Variants in UNC13C observed in about 807,000 individuals in gnomAD.
UNC13C encodes unc-13 homolog C.
In UNC13C, 174 loss-of-function variants were observed where a neutral mutation model predicts 245.4. The ratio of observed to expected loss-of-function variants is 0.71; its 90% CI spans 0.63 to 0.80. UNC13C has a LOEUF of 0.80. Among genes scored for constraint, UNC13C ranks in the 30% least tolerant of loss-of-function variants. The probability of loss-of-function intolerance (pLI) is 0.00; values close to 1 mark genes in which losing one functional copy is unlikely to be tolerated. For missense variants in UNC13C, 2,829 were observed against 2,602.9 expected, an observed-to-expected ratio of 1.09 and a Z score of -1.89; for synonymous variants, 992 against 895.1, an observed-to-expected ratio of 1.11 and a Z score of -1.93.
At chr15:54,415,504 A>G (rs1042428128) in intron 19 of UNC13C, among the ~76,000 whole-genome samples, 1 of 152,178 alleles carries the variant, frequency 6.6e-6, no homozygotes, top group Non-Finnish European at 1.5e-5. Flanking sequence ...CCGAAACTCC[A>G]CTCTGAATAA....
chr15:54,614,638 G>C (rs1053083712), intron 30 of UNC13C, among the ~76,000 whole-genome samples: 2 of 151,802 alleles, frequency 1.3e-5, no homozygotes, highest in Non-Finnish European at 2.9e-5. Context: ...AAAATTCTAG[G>C]ATCATATACT....
At chr15:54,408,179 G>T (rs1287362388) in intron 18 of UNC13C, among the ~76,000 whole-genome samples, 1 of 106,800 alleles carries the variant, frequency 9.4e-6, no homozygotes, top group East Asian at 3.0e-4. Flanking sequence ...CAGCCTGGGT[G>T]ACAGAGTGAG....
chr15:54,015,916 C>T, intron 2 of UNC13C, 30 bp downstream of exon 2: 1 of 1,494,456 alleles, frequency 6.7e-7, no homozygotes, highest in Non-Finnish European at 8.9e-7. Flanking sequence ...ACATTGTGAG[C>T]TAATTGTGTT....
At chr15:54,030,607 T>G (rs1330625235) in intron 2 of UNC13C, among the ~76,000 whole-genome samples, 3 of 152,216 alleles carry the variant, frequency 2.0e-5, no homozygotes, top group African/African-American at 7.2e-5. Context: ...ACCCCCATCT[T>G]TGTTTGTATT....
chr15:54,088,724 T>C (rs933071838), intron 2 of UNC13C, among the ~76,000 whole-genome samples: 8 of 152,184 alleles, frequency 5.3e-5, no homozygotes, highest in Admixed American at 4.6e-4. Context: ...GTTTCATTTC[T>C]AAGTCTATAG....
the UNC13C span, among the ~76,000 whole-genome samples, chr15:53,935,856 G>A: frequency 6.6e-6 from 1 of 152,246 alleles, no homozygotes; most frequent in East Asian, 1.9e-4. Flanking sequence ...GGGGTTTTGG[G>A]TCCAAAGCAC....
chr15:54,247,096 C>A (rs1275619742), intron 7 of UNC13C, among the ~76,000 whole-genome samples: 2 of 152,152 alleles, frequency 1.3e-5, no homozygotes, highest in African/African-American at 4.8e-5. Flanking sequence ...TTCCATCCTT[C>A]TCCTTCAGCT....
At position 54,219,087 on chromosome 15, in the gene UNC13C, T is replaced by G. The variant is rs370975073; in HGVS notation, c.3072-15943T>G. On this transcript the variant is annotated intron_variant, in intron 4 of 32. Transcript: ENST00000260323. ...TACCAATGACTTTCTTCACAGAATT[T>G]GAAAAAACTACTTTAAAGTTCATAT... Among the ~76,000 whole-genome samples, 721 of 149,296 alleles carry G rather than the reference T, an allele frequency of 4.8e-3. 3 individuals are homozygous for G. Among genetic ancestry groups the G allele is most frequent in the African/African-American group, 0.017 (676 of 39,710 alleles).
intron 19 of UNC13C, among the ~76,000 whole-genome samples, chr15:54,434,489 T>C (rs2040939366): frequency 6.6e-6 from 1 of 151,922 alleles, no homozygotes; most frequent in African/African-American, 2.4e-5. Context: ...GGGGAAAGTG[T>C]TCCCTATTTA....
At chr15:54,169,149 T>A (rs2033291304) in intron 4 of UNC13C, among the ~76,000 whole-genome samples, 1 of 152,216 alleles carries the variant, frequency 6.6e-6, no homozygotes, top group Admixed American at 6.5e-5. Context: ...AGGCATTTGC[T>A]TAAAAGTTTT....
chr15:54,458,973 G>A (rs1224593247), intron 19 of UNC13C, among the ~76,000 whole-genome samples: 1 of 151,512 alleles, frequency 6.6e-6, no homozygotes, highest in Non-Finnish European at 1.5e-5. Context: ...TTTTCATTGT[G>A]TTATTGATTT....
chr15:54,216,122 G>A (rs1398309097), intron 4 of UNC13C, among the ~76,000 whole-genome samples: 1 of 151,908 alleles, frequency 6.6e-6, no homozygotes, highest in Admixed American at 6.6e-5. Context: ...AAGTGGACAA[G>A]ATTGGATATC....
intron 19 of UNC13C, among the ~76,000 whole-genome samples, chr15:54,426,918 G>A (rs1311932807): frequency 6.6e-6 from 1 of 151,714 alleles, no homozygotes; most frequent in East Asian, 1.9e-4. Context: ...ATTAGCTTTG[G>A]TGATGATGAT....
At chr15:54,529,929 G>T (rs1347777869) in intron 25 of UNC13C, among the ~76,000 whole-genome samples, 1 of 152,148 alleles carries the variant, frequency 6.6e-6, no homozygotes, top group Non-Finnish European at 1.5e-5. Context: ...TAGAGGAATG[G>T]TGGTGATGCT....
chr15:54,087,941 A>G (rs1899336616), intron 2 of UNC13C, among the ~76,000 whole-genome samples: 1 of 152,200 alleles, frequency 6.6e-6, no homozygotes, highest in Non-Finnish European at 1.5e-5. Context: ...GCTATTGTTT[A>G]GAACAAAACT....
At chr15:54,325,773 T>G (rs1486068262) in intron 14 of UNC13C, among the ~76,000 whole-genome samples, 1 of 152,082 alleles carries the variant, frequency 6.6e-6, no homozygotes, top group African/African-American at 2.4e-5. Flanking sequence ...AGCGTGAAAT[T>G]GGATGAGGAA....
intron 17 of UNC13C, among the ~76,000 whole-genome samples, chr15:54,362,578 ATT>A (rs2039259173): frequency 1.3e-5 from 2 of 152,210 alleles, no homozygotes; most frequent in South Asian, 4.1e-4. Context: ...GTTTTTTTCC[ATT>A]GCAGGGTTCA....
At position 54,046,913 on chromosome 15, in the gene UNC13C, G is replaced by T. The variant is rs144116462; in HGVS notation, c.2983+31027G>T. Among the ~76,000 whole-genome samples, 380 of 151,846 alleles carry T rather than the reference G, an allele frequency of 2.5e-3. 3 individuals are homozygous for T. Among genetic ancestry groups the T allele is most frequent in the African/African-American group, 8.8e-3 (365 of 41,490 alleles). ...AAAGATTTCTATTAAAAAAAAACTA[G>T]ACATAGTAATTCAGATAGGGGTAAG... is the stretch of plus-strand genomic sequence containing the variant. On this transcript the variant is annotated intron_variant, in intron 2 of 32. Coordinates refer to ENST00000260323, the MANE Select transcript of UNC13C (RefSeq NM_001080534.3).
At chr15:54,393,598 G>A (rs2040008358) in intron 18 of UNC13C, among the ~76,000 whole-genome samples, 1 of 147,772 alleles carries the variant, frequency 6.8e-6, no homozygotes, top group African/African-American at 2.4e-5. Context: ...CAAAATAGAT[G>A]TGCATATTGA....
Sources: allele counts gnomAD v4.1 joint callset (sites outside exome capture counted in the v4.1 genomes callset), GRCh38; gene constraint gnomAD v4.1.1; transcripts MANE v1.5; gene names NCBI Gene and HGNC (gene_info 2026-07-23, HGNC 2026-07-21).